The following TAOK3 variants were observed in gnomAD, a reference collection of about 807,000 sequenced individuals.
The protein encoded by TAOK3 is TAO kinase 3.
In TAOK3, 40 loss-of-function variants were observed where a neutral mutation model predicts 120.4. The ratio of observed to expected loss-of-function variants is 0.33; its 90% CI spans 0.26 to 0.43. The LOEUF is 0.43. Ranked by LOEUF, TAOK3 falls within the 20% of genes least tolerant of loss-of-function variation. The pLI is 1.00. For synonymous variants in TAOK3, 355 were observed against 387.5 expected, an observed-to-expected ratio of 0.92 and a Z score of 0.99; for missense variants, 821 against 1,112.1, an observed-to-expected ratio of 0.74 and a Z score of 3.72.
chr12:118,199,513 C>T, intron 12 of TAOK3: 1 of 524,664 alleles, frequency 1.9e-6, no homozygotes, highest in Non-Finnish European at 3.5e-6. Flanking sequence ...CCAGGGCTTT[C>T]CCCTGTCATA....
At chr12:118,323,187 G>C (rs1390954359) in intron 1 of TAOK3, among the ~76,000 whole-genome samples, 1 of 152,084 alleles carries the variant, frequency 6.6e-6, no homozygotes, top group Admixed American at 6.6e-5. Context: ...CTATTGTGTA[G>C]TAAAACAAAT....
chr12:118,251,260 A>G (rs1037799829), intron 3 of TAOK3, among the ~76,000 whole-genome samples: 12 of 152,210 alleles, frequency 7.9e-5, no homozygotes, highest in Admixed American at 5.2e-4. Context: ...GGAAAAATCT[A>G]TTAGCACGGA....
At position 118,255,627 on chromosome 12, in the gene TAOK3, A is replaced by G. The variant is rs2140155264; in HGVS notation, c.-60T>C. ...CAGTTAGCTTTATTTCTCATTGACA[A>G]TTTTTTTTGGGGGGTAAATCTTCAG... On this transcript the variant is annotated 5_prime_UTR_variant, in exon 3 of 21. Coordinates refer to ENST00000392533, the MANE Select transcript of TAOK3 (RefSeq NM_016281.4). 6.6e-7 allele frequency: 1 copy of G among 1,521,154 alleles called. No individual in the cohort carries two copies. The highest frequency in any genetic ancestry group is 1.3e-5 in the South Asian group (1 of 76,794). The allele number at this position is 1,521,154 out of a possible 1,614,324, so 94.2% of individuals were successfully genotyped here. A position where few individuals can be genotyped will look rare whatever the true frequency, so the allele number is the denominator to read the frequency against.
chr12:118,261,733 G>C (rs984128229), intron 2 of TAOK3: 5 of 152,174 alleles, frequency 3.3e-5, no homozygotes, highest in Non-Finnish European at 5.9e-5. Flanking sequence ...TGAAAAGGAA[G>C]AAGTAAGACT....
chr12:118,314,598 A>G (rs2043380702), intron 1 of TAOK3, among the ~76,000 whole-genome samples: 1 of 152,190 alleles, frequency 6.6e-6, no homozygotes, highest in African/African-American at 2.4e-5. Flanking sequence ...TAGCACTAAA[A>G]CCACAGAACA....
intron 2 of TAOK3, among the ~76,000 whole-genome samples, chr12:118,259,746 C>G (rs1220253570): frequency 6.6e-6 from 1 of 152,030 alleles, no homozygotes; most frequent in African/African-American, 2.4e-5. Flanking sequence ...TGGTGGACTC[C>G]CTGAGTTGAG....
intron 2 of TAOK3, among the ~76,000 whole-genome samples, chr12:118,259,979 A>G (rs1227282937): frequency 6.6e-6 from 1 of 152,158 alleles, no homozygotes; most frequent in Non-Finnish European, 1.5e-5. Context: ...TATAGCTCAA[A>G]AAGGGCTGTG....
At chr12:118,334,597 C>T (rs560999954) in intron 1 of TAOK3, among the ~76,000 whole-genome samples, 12 of 152,144 alleles carry the variant, frequency 7.9e-5, no homozygotes, top group East Asian at 3.9e-4. Flanking sequence ...TTTCGGAGGC[C>T]GGGTGTGGTG....
At chr12:118,152,633 A>G (rs1397149959) in intron 19 of TAOK3, 2 of 482,902 alleles carry the variant, frequency 4.1e-6, no homozygotes, top group Admixed American at 3.4e-5. Flanking sequence ...ATGATCTGAA[A>G]CCACAGCAGC....
intron 1 of TAOK3, among the ~76,000 whole-genome samples, chr12:118,338,615 G>A (rs2044464338): frequency 1.3e-5 from 2 of 151,620 alleles, no homozygotes. Context: ...GTGAAACCCT[G>A]TCTCTACTAA....
chr12:118,328,759 A>C (rs1292062694), intron 1 of TAOK3, among the ~76,000 whole-genome samples: 2 of 152,248 alleles, frequency 1.3e-5, no homozygotes, highest in African/African-American at 4.8e-5. Flanking sequence ...ATCTAACCAA[A>C]TAATTGAAAC....
Position 118,182,885 on chromosome 12 carries a change from T to C in TAOK3, c.1330-1278A>G, listed in dbSNP as rs188657808. On this transcript the variant is annotated intron_variant, in intron 14 of 20. Coordinates refer to ENST00000392533, the MANE Select transcript of TAOK3 (RefSeq NM_016281.4). ...TTAGTAACTTTTCCTTAACTCATTT[T>C]CAAGTGAACATCCAACAAATTAAAG... 7.2e-5 allele frequency among the ~76,000 whole-genome samples: 11 copies of C among 152,216 alleles called. No individual in the cohort carries two copies. The East Asian group carries it at 1.7e-3, about 24-fold the overall frequency.
intron 1 of TAOK3, among the ~76,000 whole-genome samples, chr12:118,298,347 T>C (rs1419553685): frequency 6.6e-6 from 1 of 152,238 alleles, no homozygotes; most frequent in African/African-American, 2.4e-5. Flanking sequence ...CCTAACAAGC[T>C]TCCAGGTAAT....
At chr12:118,155,014 T>G (rs917184156) in intron 19 of TAOK3, among the ~76,000 whole-genome samples, 1 of 150,586 alleles carries the variant, frequency 6.6e-6, no homozygotes, top group African/African-American at 2.5e-5. Flanking sequence ...TATTTTTTTT[T>G]GAGATGGAGT....
chr12:118,225,379 C>T (rs1296170594), intron 9 of TAOK3, among the ~76,000 whole-genome samples: 2 of 148,994 alleles, frequency 1.3e-5, no homozygotes, highest in African/African-American at 2.5e-5. Flanking sequence ...ACAGTTTAAC[C>T]TTTGTCTTGC....
intron 5 of TAOK3, among the ~76,000 whole-genome samples, chr12:118,240,431 A>G (rs1349814771): frequency 6.6e-6 from 1 of 151,774 alleles, no homozygotes; most frequent in Non-Finnish European, 1.5e-5. Flanking sequence ...TGCCCGCCTC[A>G]GCCTCCCAAA....
At chr12:118,308,160 A>C (rs570987519) in intron 1 of TAOK3, among the ~76,000 whole-genome samples, 1 of 152,220 alleles carries the variant, frequency 6.6e-6, no homozygotes, top group South Asian at 2.1e-4. Context: ...TGGCAATGAG[A>C]ATGACCTCTG....
At chr12:118,245,127 G>A (rs2040433880) in intron 3 of TAOK3, among the ~76,000 whole-genome samples, 162 bp from the exon 4 acceptor site, 1 of 151,958 alleles carries the variant, frequency 6.6e-6, no homozygotes, top group Non-Finnish European at 1.5e-5. Context: ...CTACCTCTTG[G>A]GTTCAAGCGA....
chr12:118,348,865 T>C (rs1465152827), intron 1 of TAOK3, among the ~76,000 whole-genome samples: 5 of 149,658 alleles, frequency 3.3e-5, no homozygotes, highest in Admixed American at 1.3e-4. Flanking sequence ...TTTTTTTTTT[T>C]GAGAACGGGT....
Sources: gnomAD v4.1 joint callset for allele counts (sites outside exome capture counted in the v4.1 genomes callset) on GRCh38, gnomAD v4.1.1 for gene constraint, MANE v1.5 for transcripts, NCBI Gene and HGNC (gene_info 2026-07-23, HGNC 2026-07-21) for gene names.